Variants in UBE2W observed in about 807,000 individuals in gnomAD.
UBE2W encodes the protein ubiquitin conjugating enzyme E2 W.
A neutral mutation model predicts 27.2 loss-of-function variants in UBE2W; 18 were observed. The ratio of observed to expected loss-of-function variants is 0.66; its 90% CI spans 0.46 to 0.98. The LOEUF (loss-of-function observed/expected upper bound fraction) is 0.98. UBE2W is among the 50% of genes least tolerant of loss of function. UBE2W has a pLI of 0.00. For synonymous variants in UBE2W, 53 were observed against 57.2 expected (o/e 0.93, Z 0.33); for missense variants, 90 against 180.2 (o/e 0.50, Z 2.87).
intron 3 of UBE2W, among the ~76,000 whole-genome samples, chr8:73,822,225 T>C (rs1809644368): frequency 1.3e-5 from 2 of 151,992 alleles, no homozygotes; most frequent in African/African-American, 4.8e-5. Flanking sequence ...GTTAGAGTGG[T>C]TGTCGGCCAA....
downstream of UBE2W, chr8:73,786,163 C>A: frequency 5.3e-6 from 5 of 940,972 alleles, no homozygotes; most frequent in Middle Eastern, 5.4e-4. Context: ...TTGTGACAAG[C>A]AATTTGCCTC....
intron 1 of UBE2W, among the ~76,000 whole-genome samples, chr8:73,832,740 A>T (rs1294548624): frequency 2.6e-5 from 4 of 152,202 alleles, no homozygotes; most frequent in African/African-American, 9.6e-5. Flanking sequence ...AATGAACATT[A>T]CCTTTGAGTG....
intron 1 of UBE2W, 132 bp downstream of exon 1, chr8:73,878,676 G>A (rs1812348212): frequency 5.1e-6 from 4 of 785,904 alleles, no homozygotes; most frequent in South Asian, 3.0e-5. Context: ...CCTGAGCTGA[G>A]GGAAAACAGG....
Position 73,793,704 on chromosome 8 carries a change from A to C in UBE2W, c.*398T>G, listed in dbSNP as rs1808294905. On this transcript the variant is annotated 3_prime_UTR_variant, in exon 6 of 6. Transcript: ENST00000602593. Reference sequence around the variant, plus strand: ...GGCCCTATCATGCATTAATCATTGAATGGCAGGAGTTAATGAAAACTTTTC... The same window carrying C: ...GGCCCTATCATGCATTAATCATTGACTGGCAGGAGTTAATGAAAACTTTTC... The C allele has an allele frequency of 1.0e-6, 1 of 997,178 alleles. No individual in the cohort carries two copies. Among genetic ancestry groups the C allele is most frequent in the African/African-American group, 1.7e-5 (1 of 57,640 alleles). The allele number at this position is 997,178 out of a possible 1,614,324, so 61.8% of individuals were successfully genotyped here. A position where few individuals can be genotyped will look rare whatever the true frequency, so the allele number is the denominator to read the frequency against.
intron 2 of UBE2W, among the ~76,000 whole-genome samples, chr8:73,829,828 CTTTTCT>C (rs1476598994): frequency 6.6e-6 from 1 of 152,016 alleles, no homozygotes; most frequent in Non-Finnish European, 1.5e-5. Context: ...GCCACTTTTC[CTTTTCT>C]TTTTAGAGGT....
chr8:73,839,726 GTTTT>G (rs149185338), intron 1 of UBE2W, among the ~76,000 whole-genome samples: 1 of 123,128 alleles, frequency 8.1e-6, no homozygotes, highest in African/African-American at 3.2e-5. Context: ...TTCTTTTTTG[GTTTT>G]TTTTTTTTTT....
intron 5 of UBE2W, among the ~76,000 whole-genome samples, chr8:73,803,985 C>T (rs1808760035): frequency 6.6e-6 from 1 of 151,760 alleles, no homozygotes; most frequent in African/African-American, 2.4e-5. Context: ...CCAGGATGGT[C>T]TCAATCTCCT....
chr8:73,878,184 G>A (rs1812316275), intron 1 of UBE2W, among the ~76,000 whole-genome samples: 4 of 152,356 alleles, frequency 2.6e-5, no homozygotes, highest in South Asian at 2.1e-4. Context: ...ACTGCTGGAG[G>A]AATGTCCGCG....
intron 1 of UBE2W, among the ~76,000 whole-genome samples, chr8:73,845,107 G>A (rs929950526): frequency 3.3e-5 from 5 of 151,362 alleles, no homozygotes; most frequent in Admixed American, 6.6e-5. Context: ...GGCAGCCCCC[G>A]CCTGGCCGCC....
intron 1 of UBE2W, among the ~76,000 whole-genome samples, chr8:73,837,966 C>T (rs1487462016): frequency 6.6e-6 from 1 of 152,140 alleles, no homozygotes; most frequent in Non-Finnish European, 1.5e-5. Context: ...AAAAGCCAGT[C>T]AGGTCCAGAA....
Position 73,790,145 on chromosome 8 carries a change from A to C in UBE2W, c.*3957T>G, listed in dbSNP as rs1011381836. 1.7e-5 allele frequency: 17 copies of C among 985,092 alleles called. No homozygotes were observed. In the South Asian group the frequency reaches 3.8e-4, roughly 22 times the overall value. 61.0% of individuals were successfully genotyped at this position (985,092 alleles called of 1,614,324 possible). A position where few individuals can be genotyped will look rare whatever the true frequency, so the allele number is the denominator to read the frequency against. ...AAATTTTTCAAAAATTCATGGCATA[A>C]TTTTAATAATCGTCCTTCTGTAGAA... On this transcript the variant is annotated 3_prime_UTR_variant, in exon 6 of 6. Transcript: ENST00000602593.
At chr8:73,852,835 C>T (rs533850864) in intron 1 of UBE2W, among the ~76,000 whole-genome samples, 5 of 152,202 alleles carry the variant, frequency 3.3e-5, no homozygotes, top group Middle Eastern at 3.4e-3. Context: ...ACAAATCTCA[C>T]GAAAGAACTA....
chr8:73,800,622 T>G (rs1438132668), intron 5 of UBE2W, among the ~76,000 whole-genome samples: 1 of 152,188 alleles, frequency 6.6e-6, no homozygotes, highest in African/African-American at 2.4e-5. Context: ...AATTACTGTA[T>G]GAACTTCAGA....
At chr8:73,783,888 A>T (rs1011486052), downstream of UBE2W, among the ~76,000 whole-genome samples, 1 of 152,102 alleles carries the variant, frequency 6.6e-6, no homozygotes, top group Non-Finnish European at 1.5e-5. Flanking sequence ...CAGCCTCCCA[A>T]GTAGCTGGGA....
intron 5 of UBE2W, among the ~76,000 whole-genome samples, chr8:73,805,096 C>T (rs1475649252): frequency 6.6e-5 from 10 of 151,886 alleles, no homozygotes; most frequent in Non-Finnish European, 1.0e-4. Context: ...GTAGAGTCTC[C>T]GAATGTCAAA....
chr8:73,802,806 G>A (rs950243563), intron 5 of UBE2W, among the ~76,000 whole-genome samples: 1 of 152,100 alleles, frequency 6.6e-6, no homozygotes, highest in Non-Finnish European at 1.5e-5. Flanking sequence ...GGTGGATCAC[G>A]AGGTCAGGAG....
chr8:73,860,239 T>C (rs922151141), intron 1 of UBE2W, among the ~76,000 whole-genome samples: 9 of 152,284 alleles, frequency 5.9e-5, no homozygotes, highest in Non-Finnish European at 1.3e-4. Context: ...ATGTGTATCA[T>C]TAACAGGAAG....
intron 1 of UBE2W, among the ~76,000 whole-genome samples, chr8:73,835,304 C>A (rs1258406025): frequency 6.6e-6 from 1 of 152,086 alleles, no homozygotes; most frequent in Non-Finnish European, 1.5e-5. Flanking sequence ...CTATGATAGC[C>A]AACTTTCAAG....
chr8:73,878,639 C>T (rs1563645327), intron 1 of UBE2W, among the ~76,000 whole-genome samples, 169 bp downstream of exon 1: 1 of 152,198 alleles, frequency 6.6e-6, no homozygotes, highest in Non-Finnish European at 1.5e-5. Flanking sequence ...CAACGCCTCT[C>T]GCCGCCTCTT....
Sources: allele counts gnomAD v4.1 joint callset (sites outside exome capture counted in the v4.1 genomes callset), GRCh38; gene constraint gnomAD v4.1.1; transcripts MANE v1.5; gene names NCBI Gene and HGNC (gene_info 2026-07-23, HGNC 2026-07-21).